Variants in TRPC1 observed in about 807,000 individuals in gnomAD.
The protein encoded by TRPC1 is short transient receptor potential channel 1.
A neutral mutation model predicts 88.2 loss-of-function variants in TRPC1; 42 were observed. The ratio of observed to expected loss-of-function variants is 0.48; its 90% confidence interval spans 0.37 to 0.62. The LOEUF (loss-of-function observed/expected upper bound fraction) is 0.62, where lower values mean the gene tolerates loss of function less well. TRPC1 is among the 20% of genes least tolerant of loss of function. The probability of loss-of-function intolerance (pLI) is 0.00; values close to 1 mark genes in which losing one functional copy is unlikely to be tolerated. For synonymous variants in TRPC1, 288 were observed against 331.8 expected, an observed-to-expected ratio of 0.87 and a Z score of 1.43; for missense variants, 699 against 957.3, an observed-to-expected ratio of 0.73 and a Z score of 3.56.
chr3:142,749,901 C>G (rs2108048909), intron 4 of TRPC1, among the ~76,000 whole-genome samples: 1 of 152,258 alleles, frequency 6.6e-6, no homozygotes, highest in Non-Finnish European at 1.5e-5. Flanking sequence ...CCCTTCCTTA[C>G]ACCTTATACA....
chr3:142,781,984 A>G (rs1935970387), intron 6 of TRPC1, among the ~76,000 whole-genome samples: 1 of 152,138 alleles, frequency 6.6e-6, no homozygotes, highest in African/African-American at 2.4e-5. Flanking sequence ...TTATTAGGAA[A>G]TTGATGGAGG....
rs1057272507 is a variant in TRPC1 at position 142,736,546 on chromosome 3, A to G, written c.327+13A>G. On this transcript the variant is annotated intron_variant, in intron 2 of 12. Transcript: ENST00000476941. ...CTACGGTTGTCAGGTACAAGGCTAG[A>G]TAATTTAATCCAGTTAACTTCTAAG... 6.3e-7 allele frequency: 1 copy of G among 1,582,342 alleles called. No individual in the cohort carries two copies.
Position 142,806,965 on chromosome 3 carries a change from T to C in TRPC1, c.*730T>C, listed in dbSNP as rs1027440028. On this transcript the variant is annotated 3_prime_UTR_variant, in exon 13 of 13. Coordinates refer to ENST00000476941, the MANE Select transcript of TRPC1 (RefSeq NM_001251845.2). ...TTTAAATTTTTATAGAATTATATAG[T>C]TTTTGAAAAATACAGTCAGTAGATG... is the stretch of plus-strand genomic sequence containing the variant. 6.6e-6 allele frequency: 1 copy of C among 152,100 alleles called. No homozygotes were observed. The highest frequency in any genetic ancestry group is 2.4e-5 in the African/African-American group (1 of 41,442). 9.4% of individuals were successfully genotyped at this position (152,100 alleles called of 1,614,324 possible). A position where few individuals can be genotyped will look rare whatever the true frequency, so the allele number is the denominator to read the frequency against.
At chr3:142,769,904 A>C (rs1402156712) in intron 4 of TRPC1, among the ~76,000 whole-genome samples, 1 of 152,000 alleles carries the variant, frequency 6.6e-6, no homozygotes, top group Non-Finnish European at 1.5e-5. Context: ...TTCATTTATA[A>C]TGTTGTTTAA....
intron 6 of TRPC1, among the ~76,000 whole-genome samples, chr3:142,783,954 T>C (rs995828620): frequency 6.6e-6 from 1 of 152,186 alleles, no homozygotes; most frequent in Admixed American, 6.5e-5. Context: ...TTGTAAACTT[T>C]GGTAAATTAG....
At chr3:142,758,501 G>C (rs1242942729) in intron 4 of TRPC1, among the ~76,000 whole-genome samples, 1 of 151,840 alleles carries the variant, frequency 6.6e-6, no homozygotes, top group Non-Finnish European at 1.5e-5. Context: ...TTGGTTTTTT[G>C]CTTTTGAGTT....
At chr3:142,746,451 G>C (rs1313658395) in intron 3 of TRPC1, among the ~76,000 whole-genome samples, 3 of 152,016 alleles carry the variant, frequency 2.0e-5, no homozygotes, top group Admixed American at 1.3e-4. Context: ...TGATAAGATG[G>C]AAAAGGGCTA....
intron 4 of TRPC1, among the ~76,000 whole-genome samples, chr3:142,770,446 G>T (rs1560107495): frequency 6.6e-6 from 1 of 152,096 alleles, no homozygotes; most frequent in Non-Finnish European, 1.5e-5. Flanking sequence ...TTCTTAGAAG[G>T]TATTCCTCTT....
At chr3:142,760,976 A>C (rs1935163988) in intron 4 of TRPC1, among the ~76,000 whole-genome samples, 1 of 151,914 alleles carries the variant, frequency 6.6e-6, no homozygotes, top group South Asian at 2.1e-4. Context: ...TACCACTTCT[A>C]ATAGTTTTTT....
At chr3:142,786,006 A>G (rs574449711) in intron 7 of TRPC1, among the ~76,000 whole-genome samples, 1 of 152,352 alleles carries the variant, frequency 6.6e-6, no homozygotes, top group African/African-American at 2.4e-5. Context: ...TACACTGTAT[A>G]ATAAATGTCT....
At chr3:142,789,537 T>C (rs1391195435) in intron 7 of TRPC1, among the ~76,000 whole-genome samples, 2 of 152,212 alleles carry the variant, frequency 1.3e-5, no homozygotes, top group Non-Finnish European at 2.9e-5. Context: ...AGAATGTTTC[T>C]TGTGTTTCCC....
At chr3:142,791,246 TTG>T in intron 8 of TRPC1, 88 bp downstream of exon 8, 1 of 1,194,616 alleles carries the variant, frequency 8.4e-7, no homozygotes, top group Non-Finnish European at 1.2e-6. Context: ...CAGAGTTACA[TTG>T]AGCCAGATCA....
At chr3:142,749,202 G>A (rs1033509195) in intron 4 of TRPC1, among the ~76,000 whole-genome samples, 1 of 152,128 alleles carries the variant, frequency 6.6e-6, no homozygotes, top group South Asian at 2.1e-4. Context: ...ACATCATAGT[G>A]CAACGCATTA....
chr3:142,796,722 G>C (rs1404117696), intron 9 of TRPC1, among the ~76,000 whole-genome samples: 1 of 152,098 alleles, frequency 6.6e-6, no homozygotes, highest in Non-Finnish European at 1.5e-5. Flanking sequence ...GCACCACAAA[G>C]TTAAGTGTAA....
At chr3:142,745,603 C>T (rs1022230726) in intron 3 of TRPC1, among the ~76,000 whole-genome samples, 5 of 152,068 alleles carry the variant, frequency 3.3e-5, no homozygotes, top group East Asian at 1.9e-4. Context: ...GAGATCGAGC[C>T]GCTGCACTCC....
intron 4 of TRPC1, among the ~76,000 whole-genome samples, chr3:142,765,081 A>G (rs1410639135): frequency 1.3e-5 from 2 of 152,182 alleles, no homozygotes; most frequent in Non-Finnish European, 2.9e-5. Context: ...AGCTGCAAAA[A>G]GAATAAAATA....
chr3:142,792,816 A>C lies in TRPC1; in HGVS notation c.1438-8A>C, dbSNP rs963946012. On this transcript the variant is annotated splice_polypyrimidine_tract_variant and splice_region_variant and intron_variant, in intron 8 of 12. Transcript: ENST00000476941. This position sits in a 1 kb window ranked among gnomAD's most constrained non-coding sequence, Gnocchi z 4.0. ...TATTTACCTTTGGCTTTTTCTTCCT[A>C]ACCTTAGTTTCATGATTTTGCTGAT... The C allele has an allele frequency of 2.6e-6, 4 of 1,563,636 alleles. No individual in the cohort carries two copies. The African/African-American group carries it at 5.6e-5, about 22-fold the overall frequency.
At position 142,806,237 on chromosome 3, in the gene TRPC1, C is replaced by A; in HGVS notation, c.*2C>A. ...GCTATGTTTTATCCAAGAAATTAAC[C>A]ATTTTCTAAATCATGGAGCGAATAA... On this transcript the variant is annotated 3_prime_UTR_variant, in exon 13 of 13. Transcript: ENST00000476941. The A allele has an allele frequency of 6.3e-7, 1 of 1,595,280 alleles. No individual in the cohort carries two copies. Among genetic ancestry groups the A allele is most frequent in the South Asian group, 1.1e-5 (1 of 89,566 alleles).
chr3:142,727,900 T>C (rs55655603), intron 1 of TRPC1, among the ~76,000 whole-genome samples: 16,187 of 152,072 alleles, frequency 0.11, 1,030 homozygotes, highest in Non-Finnish European at 0.15. Flanking sequence ...ATGGTGTCCC[T>C]CAGGTCTGTT....
Sources: allele counts gnomAD v4.1 joint callset (sites outside exome capture counted in the v4.1 genomes callset), GRCh38; gene constraint gnomAD v4.1.1; non-coding constraint Gnocchi (gnomAD v3.1); transcripts MANE v1.5; gene names NCBI Gene and HGNC (gene_info 2026-07-23, HGNC 2026-07-21).